Variants in PDE1A observed in about 807,000 individuals in gnomAD.
PDE1A encodes phosphodiesterase 1A, also known as dual specificity calcium/calmodulin-dependent 3',5'-cyclic nucleotide phosphodiesterase 1A.
A neutral mutation model predicts 61.7 loss-of-function variants in PDE1A; 35 were observed. That is an observed-to-expected ratio of 0.57 (90% CI 0.43 to 0.75). The LOEUF (loss-of-function observed/expected upper bound fraction) is 0.75. Ranked by LOEUF, PDE1A falls within the 30% of genes least tolerant of loss-of-function variation. The pLI is 0.00. For synonymous variants in PDE1A, 232 were observed against 213.2 expected (o/e 1.09, Z -0.77); for missense variants, 597 against 630.6 (o/e 0.95, Z 0.57).
chr2:182,157,331 G>A (rs944895485), intron 13 of PDE1A, among the ~76,000 whole-genome samples: 1 of 151,906 alleles, frequency 6.6e-6, no homozygotes, highest in Non-Finnish European at 1.5e-5. Context: ...GATGAATTGT[G>A]ACTCTCCATC....
At chr2:182,664,164 C>A in the PDE1A span, among the ~76,000 whole-genome samples, 55 of 152,076 alleles carry the variant, frequency 3.6e-4, no homozygotes, top group African/African-American at 1.1e-3. Context: ...ATTTAAAAAT[C>A]AATTAATAGT....
intron 2 of PDE1A, among the ~76,000 whole-genome samples, chr2:182,522,067 C>T (rs1475504380): frequency 6.6e-6 from 1 of 152,136 alleles, no homozygotes; most frequent in African/African-American, 2.4e-5. Flanking sequence ...AAAGTGACTT[C>T]TCCAGAAGTT....
At chr2:182,256,993 T>C (rs981316255) in intron 2 of PDE1A, among the ~76,000 whole-genome samples, 6 of 152,234 alleles carry the variant, frequency 3.9e-5, no homozygotes, top group Non-Finnish European at 7.3e-5. Flanking sequence ...TTGCTGAAAC[T>C]CTACTTCAGG....
chr2:182,658,047 T>TAAAAAAAAAA, the PDE1A span, among the ~76,000 whole-genome samples: 648 of 66,200 alleles, frequency 9.8e-3, 76 homozygotes, highest in African/African-American at 0.03. Context: ...AGCTTCTCAG[T>TAAAAAAAAAA]AAAAAAAAAA....
intron 8 of PDE1A, among the ~76,000 whole-genome samples, chr2:182,202,879 CT>C (rs1402007506): frequency 1.3e-5 from 2 of 152,166 alleles, no homozygotes; most frequent in Non-Finnish European, 2.9e-5. Context: ...GTCACTTGTA[CT>C]GGAAAACATA....
At position 182,471,415 on chromosome 2, in the gene PDE1A, A is replaced by G. The variant is rs541881768; in HGVS notation, c.101+50861T>C. ...TGATGTTCTCACAAGAAGCCCAATT[A>G]TAATAAAGCAAAATACAGAAGTCTC... On this transcript the variant is annotated intron_variant, in intron 2 of 14. Coordinates refer to the PDE1A transcript ENST00000410103. Among the ~76,000 whole-genome samples, 11 of 151,894 alleles carry G rather than the reference A, an allele frequency of 7.2e-5. No homozygotes were observed. The East Asian group carries it at 1.6e-3, about 21-fold the overall frequency.
the PDE1A span, among the ~76,000 whole-genome samples, chr2:182,637,775 G>A: frequency 4.6e-5 from 7 of 151,994 alleles, no homozygotes; most frequent in Non-Finnish European, 7.4e-5. Context: ...ACAAAAATTA[G>A]CCAGGCATGG....
chr2:182,464,635 C>T (rs1204372171), intron 2 of PDE1A, among the ~76,000 whole-genome samples: 1 of 151,776 alleles, frequency 6.6e-6, no homozygotes, highest in Non-Finnish European at 1.5e-5. Context: ...ATGACAATTG[C>T]AGTAGAGAGA....
intron 7 of PDE1A, among the ~76,000 whole-genome samples, chr2:182,217,844 T>C (rs1177352863): frequency 1.3e-5 from 2 of 151,852 alleles, no homozygotes; most frequent in Non-Finnish European, 2.9e-5. Flanking sequence ...GTTCAACCAT[T>C]GTGGAATTCA....
chr2:182,426,148 T>C (rs1482173561), intron 1 of PDE1A, among the ~76,000 whole-genome samples: 2 of 152,164 alleles, frequency 1.3e-5, no homozygotes, highest in East Asian at 1.9e-4. Context: ...AAAGTAGCTA[T>C]CAAGTTCAAA....
At chr2:182,297,900 C>A (rs762239894) in intron 1 of PDE1A, among the ~76,000 whole-genome samples, 4 of 152,184 alleles carry the variant, frequency 2.6e-5, no homozygotes, top group Admixed American at 6.5e-5. Flanking sequence ...TGGTAACTTG[C>A]TAAAGAACAC....
chr2:182,694,828 G>T, the PDE1A span, among the ~76,000 whole-genome samples: 1 of 100,418 alleles, frequency 1.0e-5, no homozygotes, highest in East Asian at 2.4e-4. Context: ...AAAAAGGTGG[G>T]GGGGGGGCAA....
chr2:182,175,992 T>G (rs1381426298), intron 13 of PDE1A, among the ~76,000 whole-genome samples: 2 of 147,514 alleles, frequency 1.4e-5, no homozygotes, highest in East Asian at 3.9e-4. Context: ...ATCAGATAGT[T>G]GTAGATATGC....
At chr2:182,158,063 T>C (rs1261428167) in intron 13 of PDE1A, among the ~76,000 whole-genome samples, 1 of 152,186 alleles carries the variant, frequency 6.6e-6, no homozygotes, top group Non-Finnish European at 1.5e-5. Flanking sequence ...TTTGGCTGGC[T>C]ATGATGGGGG....
the PDE1A span, among the ~76,000 whole-genome samples, chr2:182,651,448 T>G: frequency 6.6e-6 from 1 of 152,212 alleles, no homozygotes; most frequent in Non-Finnish European, 1.5e-5. Context: ...ATCTTTTTCC[T>G]CCCAAGAGAA....
chr2:182,446,785 G>T (rs1405921237), intron 2 of PDE1A, among the ~76,000 whole-genome samples: 1 of 151,934 alleles, frequency 6.6e-6, no homozygotes, highest in Non-Finnish European at 1.5e-5. Context: ...ACTCTGGAAT[G>T]GCCTGCTTTG....
the PDE1A span, among the ~76,000 whole-genome samples, chr2:182,639,354 A>G: frequency 6.6e-6 from 1 of 152,078 alleles, no homozygotes; most frequent in African/African-American, 2.4e-5. Context: ...GATCTCTTGA[A>G]GCCAGGAGTT....
the PDE1A span, among the ~76,000 whole-genome samples, chr2:182,634,125 T>C: frequency 6.6e-6 from 1 of 151,988 alleles, no homozygotes; most frequent in African/African-American, 2.4e-5. Context: ...ACCCCTCAAT[T>C]TCAGTAGCAA....
chr2:182,294,816 G>A (rs186272256), intron 1 of PDE1A, among the ~76,000 whole-genome samples: 126 of 152,130 alleles, frequency 8.3e-4, no homozygotes, highest in Non-Finnish European at 4.4e-5. Flanking sequence ...AAGACGAAAG[G>A]GTGTTTACAG....
Sources: allele counts gnomAD v4.1 joint callset (sites outside exome capture counted in the v4.1 genomes callset), GRCh38; gene constraint gnomAD v4.1.1; transcripts MANE v1.5; gene names NCBI Gene and HGNC (gene_info 2026-07-23, HGNC 2026-07-21).